GABPB1: variants seen among roughly 807,000 people sequenced by gnomAD.
GABPB1 encodes GA-binding protein subunit beta-1.
Under a neutral mutation model 45.9 loss-of-function variants are expected in GABPB1, and 15 were observed. The observed-to-expected ratio is 0.33, with a 90% CI of 0.22 to 0.50. The LOEUF (loss-of-function observed/expected upper bound fraction) is 0.50. Among genes scored for constraint, GABPB1 ranks in the 20% least tolerant of loss-of-function variants. The pLI is 0.98. For synonymous variants in GABPB1, 143 were observed against 154.4 expected (o/e 0.93, Z 0.55); for missense variants, 252 against 457.5 (o/e 0.55, Z 4.10).
At chr15:50,296,420 G>A (rs1595751457) in intron 6 of GABPB1, among the ~76,000 whole-genome samples, 1 of 152,112 alleles carries the variant, frequency 6.6e-6, no homozygotes, top group Non-Finnish European at 1.5e-5. Context: ...CTTAAAATAA[G>A]ATAAAATGAA....
At chr15:50,338,336 G>A (rs8034615) in intron 1 of GABPB1, among the ~76,000 whole-genome samples, 74,977 of 151,820 alleles carry the variant, frequency 0.49, 19,578 homozygotes, top group Middle Eastern at 0.65. Context: ...CACCACACCC[G>A]GCCAAGAGCT....
chr15:50,334,217 G>T (rs1391295961), intron 1 of GABPB1, among the ~76,000 whole-genome samples: 1 of 151,910 alleles, frequency 6.6e-6, no homozygotes, highest in Non-Finnish European at 1.5e-5. Flanking sequence ...TTCTGGTTTG[G>T]TATCTTTCCT....
At chr15:50,302,663 AAAAAAAG>A (rs2046799084) in intron 4 of GABPB1, among the ~76,000 whole-genome samples, 1 of 150,642 alleles carries the variant, frequency 6.6e-6, no homozygotes, top group Non-Finnish European at 1.5e-5. Flanking sequence ...AAAAAAAAAA[AAAAAAAG>A]GTCTAAAGGG....
chr15:50,320,546 G>T (rs1365671825), intron 1 of GABPB1, among the ~76,000 whole-genome samples: 1 of 152,222 alleles, frequency 6.6e-6, no homozygotes, highest in African/African-American at 2.4e-5. Flanking sequence ...ACTATGGAGT[G>T]TGACAGGCTG....
At chr15:50,329,844 T>C (rs1220451205) in intron 1 of GABPB1, among the ~76,000 whole-genome samples, 1 of 152,136 alleles carries the variant, frequency 6.6e-6, no homozygotes, top group Non-Finnish European at 1.5e-5. Flanking sequence ...TAAGTGTTTC[T>C]CTTTGCAACA....
At chr15:50,337,652 G>C (rs1304266717) in intron 1 of GABPB1, among the ~76,000 whole-genome samples, 1 of 151,984 alleles carries the variant, frequency 6.6e-6, no homozygotes, top group East Asian at 1.9e-4. Context: ...TGTGGTCCCA[G>C]CTACTTGGGA....
intron 8 of GABPB1, among the ~76,000 whole-genome samples, chr15:50,283,821 C>T (rs1420188704): frequency 6.6e-6 from 1 of 152,164 alleles, no homozygotes; most frequent in African/African-American, 2.4e-5. Flanking sequence ...CAACTCTTAG[C>T]ACTTTCTTTA....
At chr15:50,298,052 A>G (rs552962075) in intron 6 of GABPB1, among the ~76,000 whole-genome samples, 2 of 152,340 alleles carry the variant, frequency 1.3e-5, no homozygotes, top group African/African-American at 4.8e-5. Flanking sequence ...CTTAGAAGAA[A>G]AGCCGTTTTA....
At chr15:50,303,215 G>C in intron 3 of GABPB1, 92 bp from the exon 4 acceptor site, 1 of 978,156 alleles carries the variant, frequency 1.0e-6, no homozygotes, top group Admixed American at 2.4e-5. Flanking sequence ...TTTAAAGCAA[G>C]AACAAATAAT....
chr15:50,294,884 T>C (rs747448714), intron 6 of GABPB1, among the ~76,000 whole-genome samples: 2 of 152,166 alleles, frequency 1.3e-5, no homozygotes, highest in Non-Finnish European at 2.9e-5. Context: ...ACTTTATTAG[T>C]AATTACCAGA....
At chr15:50,348,587 G>C (rs1015974744) in intron 1 of GABPB1, among the ~76,000 whole-genome samples, 3 of 151,354 alleles carry the variant, frequency 2.0e-5, no homozygotes, top group Non-Finnish European at 4.4e-5. Flanking sequence ...TTTTTGGCTG[G>C]GCACAGTGGC....
intron 1 of GABPB1, among the ~76,000 whole-genome samples, chr15:50,318,627 C>A (rs2047436395): frequency 6.6e-6 from 1 of 152,062 alleles, no homozygotes; most frequent in Non-Finnish European, 1.5e-5. Flanking sequence ...GACCCCAAGA[C>A]AACAGCTGTG....
intron 1 of GABPB1, 80 bp from the exon 2 acceptor site, chr15:50,309,878 TTAA>T: frequency 1.2e-6 from 1 of 832,388 alleles, no homozygotes; most frequent in Admixed American, 2.0e-5. Context: ...CCTGTCTTTA[TTAA>T]TAAGTCAGTT....
intron 2 of GABPB1, among the ~76,000 whole-genome samples, chr15:50,308,053 TTCTAA>T (rs1457842908): frequency 6.6e-6 from 1 of 152,228 alleles, no homozygotes; most frequent in Non-Finnish European, 1.5e-5. Context: ...CTTTAGCTGT[TTCTAA>T]TCTGTTACTA....
Position 50,331,053 on chromosome 15 carries a change from G to A in GABPB1, c.1-21255C>T, listed in dbSNP as rs574850898. Among the ~76,000 whole-genome samples, 3 of 152,266 alleles carry A rather than the reference G, an allele frequency of 2.0e-5. 1 individual carries two copies. In the South Asian group the frequency reaches 6.2e-4, roughly 32 times the overall value. ...TGAAAGGGAAAGCAAACCTAGGGAG[G>A]ATCCAAAGGAAGCATCATGATGCAC... On this transcript the variant is annotated intron_variant, in intron 1 of 8. Transcript: ENST00000380877.
chr15:50,353,159 TTAAGAA>T (rs1455217815), intron 1 of GABPB1: 8 of 152,042 alleles, frequency 5.3e-5, no homozygotes, highest in Non-Finnish European at 1.0e-4. Flanking sequence ...TTTTAATCAC[TTAAGAA>T]TATCTTCGAA....
chr15:50,304,543 T>C (rs1374216618), intron 2 of GABPB1, among the ~76,000 whole-genome samples: 1 of 152,060 alleles, frequency 6.6e-6, no homozygotes, highest in African/African-American at 2.4e-5. Context: ...AAACCCCATC[T>C]CTACTAAAAA....
intron 1 of GABPB1, among the ~76,000 whole-genome samples, chr15:50,317,692 G>C (rs1233025843): frequency 6.6e-6 from 1 of 151,994 alleles, no homozygotes; most frequent in Non-Finnish European, 1.5e-5. Flanking sequence ...GGTGGATCAC[G>C]AGGTCAGGAG....
At chr15:50,285,494 A>C (rs548899461) in intron 8 of GABPB1, among the ~76,000 whole-genome samples, 3 of 152,192 alleles carry the variant, frequency 2.0e-5, no homozygotes, top group Non-Finnish European at 4.4e-5. Flanking sequence ...AAACCTGTGA[A>C]GCAACTATGG....
Sources: gnomAD v4.1 joint callset for allele counts (sites outside exome capture counted in the v4.1 genomes callset) on GRCh38, gnomAD v4.1.1 for gene constraint, MANE v1.5 for transcripts, NCBI Gene and HGNC (gene_info 2026-07-23, HGNC 2026-07-21) for gene names.